Variants in PALM2AKAP2 observed in about 807,000 individuals in gnomAD.
PALM2AKAP2 encodes the protein PALM2-AKAP2 fusion protein.
Under a neutral mutation model 71.5 loss-of-function variants are expected in PALM2AKAP2, and 37 were observed. The observed-to-expected ratio is 0.52, with a 90% CI of 0.40 to 0.68. The LOEUF (loss-of-function observed/expected upper bound fraction) is 0.68, where lower values mean the gene tolerates loss of function less well. Among genes scored for constraint, PALM2AKAP2 ranks in the 30% least tolerant of loss-of-function variants. PALM2AKAP2 has a pLI of 0.00. For synonymous variants in PALM2AKAP2, 468 were observed against 478.8 expected, an observed-to-expected ratio of 0.98 and a Z score of 0.29; for missense variants, 1,224 against 1,191.8, an observed-to-expected ratio of 1.03 and a Z score of -0.40.
intron 1 of PALM2AKAP2, among the ~76,000 whole-genome samples, chr9:110,075,077 C>A (rs115173309): frequency 6.6e-6 from 1 of 152,006 alleles, no homozygotes; most frequent in Admixed American, 6.6e-5. Context: ...GTCTTGAATG[C>A]GGGCACAATT....
intron 1 of PALM2AKAP2, among the ~76,000 whole-genome samples, chr9:110,132,298 G>A (rs1370404171): frequency 6.6e-6 from 1 of 151,590 alleles, no homozygotes; most frequent in Non-Finnish European, 1.5e-5. Flanking sequence ...CACCTCAGGT[G>A]ATCTGCCTGC....
rs541456372 is a variant in PALM2AKAP2 at position 110,083,847 on chromosome 9, A to G, written c.156+34992A>G. Among the ~76,000 whole-genome samples, 8 of 152,386 alleles carry G rather than the reference A, an allele frequency of 5.2e-5. No individual in the cohort carries two copies. The East Asian group carries it at 1.5e-3, about 29-fold the overall frequency. On this transcript the variant is annotated intron_variant, in intron 1 of 3. Coordinates refer to ENST00000374525, the Ensembl canonical transcript of PALM2AKAP2. ...TCCATCACACTCTTGTGAGGGTAGA[A>G]TAATGCATTTCACACATAACAAGTT...
chr9:109,734,558 C>A (rs770152557), intron 1 of PALM2AKAP2, among the ~76,000 whole-genome samples: 2 of 152,120 alleles, frequency 1.3e-5, no homozygotes, highest in Non-Finnish European at 2.9e-5. Flanking sequence ...GCAGACAATT[C>A]AATTGGACAG....
chr9:110,077,353 A>T (rs1262473564), intron 1 of PALM2AKAP2, among the ~76,000 whole-genome samples: 1 of 152,258 alleles, frequency 6.6e-6, no homozygotes, highest in Non-Finnish European at 1.5e-5. Flanking sequence ...TTTCATAATT[A>T]CTATAATAGT....
At chr9:110,107,725 C>T (rs966289309) in intron 1 of PALM2AKAP2, among the ~76,000 whole-genome samples, 2 of 152,220 alleles carry the variant, frequency 1.3e-5, no homozygotes, top group African/African-American at 4.8e-5. Context: ...TGCCACCATG[C>T]CCAGCTAATT....
intron 6 of PALM2AKAP2, among the ~76,000 whole-genome samples, chr9:109,936,500 A>C (rs1214486466): frequency 1.3e-5 from 2 of 152,204 alleles, no homozygotes; most frequent in Non-Finnish European, 2.9e-5. Context: ...ATTTGCTCGA[A>C]GGGATAAGAC....
intron 1 of PALM2AKAP2, among the ~76,000 whole-genome samples, chr9:109,836,903 T>G (rs1191430152): frequency 6.6e-6 from 1 of 152,182 alleles, no homozygotes; most frequent in African/African-American, 2.4e-5. Context: ...CTACATCTGA[T>G]TGGTGTACCT....
intron 3 of PALM2AKAP2, among the ~76,000 whole-genome samples, chr9:109,898,232 C>T (rs530899154): frequency 4.6e-5 from 7 of 152,206 alleles, no homozygotes; most frequent in Non-Finnish European, 1.0e-4. Flanking sequence ...TTGTACTCTG[C>T]GCACCTGCCC....
intron 6 of PALM2AKAP2, among the ~76,000 whole-genome samples, chr9:109,980,839 G>A (rs913277940): frequency 1.3e-5 from 2 of 152,180 alleles, no homozygotes; most frequent in Non-Finnish European, 2.9e-5. Flanking sequence ...AAATGTTAAG[G>A]CACTTTGCCA....
Position 109,925,225 on chromosome 9 carries a change from T to G in PALM2AKAP2, c.394+143T>G, listed in dbSNP as rs1269444813. ...AGTAGCAGCGCTGGTTGCAGGCCACTGAGGAGGTCCACATTCCAAGCCTTC... is the reference window on the plus strand; with the variant it reads ...AGTAGCAGCGCTGGTTGCAGGCCACGGAGGAGGTCCACATTCCAAGCCTTC... On this transcript the variant is annotated intron_variant, in intron 5 of 9. Transcript: ENST00000302798. 6.3e-6 allele frequency: 8 copies of G among 1,277,806 alleles called. No individual in the cohort carries two copies. The East Asian group carries it at 2.0e-4, about 31-fold the overall frequency. 79.2% of individuals were successfully genotyped at this position (1,277,806 alleles called of 1,614,324 possible).
intron 1 of PALM2AKAP2, among the ~76,000 whole-genome samples, chr9:109,738,187 T>C (rs1415252878): frequency 1.3e-5 from 2 of 152,226 alleles, no homozygotes; most frequent in Non-Finnish European, 1.5e-5. Flanking sequence ...GGAGGTAGAA[T>C]TACTATTCCT....
At chr9:110,037,008 T>G in intron 7 of PALM2AKAP2, among the ~76,000 whole-genome samples, 1 of 152,162 alleles carries the variant, frequency 6.6e-6, no homozygotes, top group East Asian at 1.9e-4. Context: ...TTATAACAAT[T>G]ACCGCCTCCT....
intron 3 of PALM2AKAP2, among the ~76,000 whole-genome samples, chr9:109,917,674 G>T (rs1315234495): frequency 1.3e-5 from 2 of 151,940 alleles, no homozygotes; most frequent in Non-Finnish European, 2.9e-5. Context: ...TATTTGTAGA[G>T]GTGGGGGTCT....
At chr9:109,675,888 A>C (rs1334984579) in intron 1 of PALM2AKAP2, among the ~76,000 whole-genome samples, 3 of 152,084 alleles carry the variant, frequency 2.0e-5, no homozygotes, top group African/African-American at 7.2e-5. Flanking sequence ...CCTTTACCAC[A>C]TTTATAGAAA....
intron 1 of PALM2AKAP2, among the ~76,000 whole-genome samples, chr9:109,788,913 T>TG (rs1827035909): frequency 6.6e-6 from 1 of 152,232 alleles, no homozygotes; most frequent in African/African-American, 2.4e-5. Flanking sequence ...CACTCCAGAC[T>TG]GGGCAAGAGT....
rs1247302941 is a variant in PALM2AKAP2 at position 110,104,254 on chromosome 9, G to T, written c.157-31873G>T. Among the ~76,000 whole-genome samples, 8 of 152,050 alleles carry T rather than the reference G, an allele frequency of 5.3e-5. No homozygotes were observed. The South Asian group carries it at 1.7e-3, about 32-fold the overall frequency. On this transcript the variant is annotated intron_variant, in intron 1 of 3. Transcript: ENST00000374525. ...CAAACTGGATTCTGTCCAGATTTTT[G>T]TTGGGATTTCAGATGTTTAGCCCCA...
At chr9:109,643,337 C>T (rs1827100740) in intron 1 of PALM2AKAP2, among the ~76,000 whole-genome samples, 1 of 152,208 alleles carries the variant, frequency 6.6e-6, no homozygotes, top group Non-Finnish European at 1.5e-5. Context: ...CTAGTCCTCT[C>T]ACTGGGTAGC....
intron 3 of PALM2AKAP2, among the ~76,000 whole-genome samples, chr9:109,891,032 C>G (rs1830077419): frequency 6.6e-6 from 1 of 152,202 alleles, no homozygotes; most frequent in Admixed American, 6.5e-5. Context: ...CAGGGACATT[C>G]AGCCAGCAAA....
intron 1 of PALM2AKAP2, among the ~76,000 whole-genome samples, chr9:109,843,763 G>A (rs1828773088): frequency 6.6e-6 from 1 of 152,160 alleles, no homozygotes; most frequent in Non-Finnish European, 1.5e-5. Context: ...CAAACTAGCT[G>A]GCAGCACTAC....
Sources: allele counts gnomAD v4.1 joint callset (sites outside exome capture counted in the v4.1 genomes callset), GRCh38; gene constraint gnomAD v4.1.1; transcripts MANE v1.5; gene names NCBI Gene and HGNC (gene_info 2026-07-23, HGNC 2026-07-21).